Variants in TMPRSS11E observed in about 807,000 individuals in gnomAD.
TMPRSS11E encodes transmembrane serine protease 11E.
In TMPRSS11E, 38 loss-of-function variants were observed where a neutral mutation model predicts 48.1. That is an observed-to-expected ratio of 0.79 (90% CI 0.61 to 1.04). The LOEUF (loss-of-function observed/expected upper bound fraction) is 1.04, where lower values mean the gene tolerates loss of function less well. Among genes scored for constraint, TMPRSS11E ranks in the 50% least tolerant of loss-of-function variants. The pLI, the probability that TMPRSS11E is intolerant of heterozygous loss-of-function variation, is 0.00. For missense variants in TMPRSS11E, 530 were observed against 510.8 expected, an observed-to-expected ratio of 1.04 and a Z score of -0.36; for synonymous variants, 158 against 171.9, an observed-to-expected ratio of 0.92 and a Z score of 0.63.
In TMPRSS11E at chr4:68,497,473, CT is replaced by C. The variant is rs899681544; in HGVS notation, c.*670del. ...TACTATGATAAATGTGAAGAAGATT[CT>C]GTTTTTTTGTGACCTATAATAATTA... On this transcript the variant is annotated 3_prime_UTR_variant, in exon 10 of 10. Coordinates refer to ENST00000305363, the MANE Select transcript of TMPRSS11E (RefSeq NM_014058.4). The C allele has an allele frequency of 2.6e-5, 4 of 152,036 alleles. No homozygotes were observed. Among genetic ancestry groups the C allele is most frequent in the African/African-American group, 9.7e-5 (4 of 41,412 alleles). 9.4% of individuals were successfully genotyped at this position (152,036 alleles called of 1,614,324 possible).
At chr4:68,484,620 T>A (rs1306425007) in intron 9 of TMPRSS11E, among the ~76,000 whole-genome samples, 1 of 152,184 alleles carries the variant, frequency 6.6e-6, no homozygotes, top group African/African-American at 2.4e-5. Flanking sequence ...CAACTATGAT[T>A]TCTTTCAGCA....
chr4:68,451,335 AC>A (rs1322254793), intron 1 of TMPRSS11E, among the ~76,000 whole-genome samples: 1 of 151,884 alleles, frequency 6.6e-6, no homozygotes, highest in Non-Finnish European at 1.5e-5. Context: ...AAATGACTGG[AC>A]TAGAGAGAAG....
Position 68,476,441 on chromosome 4 carries a change from A to G in TMPRSS11E, c.707+3A>G. On this transcript the variant is annotated splice_donor_region_variant and intron_variant, in intron 7 of 9. Transcript: ENST00000305363. ...AGTGCTGCTCACTGTTTTACAACGT[A>G]AGTCTTGAAGCTTGAGAATGATTGG... The G allele has an allele frequency of 6.2e-7, 1 of 1,601,288 alleles. No individual in the cohort carries two copies.
intron 9 of TMPRSS11E, among the ~76,000 whole-genome samples, chr4:68,483,871 C>A (rs1171827458): frequency 1.3e-5 from 2 of 152,194 alleles, no homozygotes; most frequent in Non-Finnish European, 2.9e-5. Flanking sequence ...TTATACCCAG[C>A]ACCATTTATT....
chr4:68,489,032 G>A (rs1729642685), intron 9 of TMPRSS11E, among the ~76,000 whole-genome samples: 2 of 152,164 alleles, frequency 1.3e-5, no homozygotes, highest in African/African-American at 2.4e-5. Flanking sequence ...TCAGTCATTT[G>A]GAGGTAAGAA....
At chr4:68,492,851 C>A (rs1729767878) in intron 9 of TMPRSS11E, among the ~76,000 whole-genome samples, 1 of 152,082 alleles carries the variant, frequency 6.6e-6, no homozygotes, top group Admixed American at 6.6e-5. Context: ...ATGAGAATAA[C>A]CTGTATTTTA....
At chr4:68,447,672 C>G (rs1728377926) in intron 1 of TMPRSS11E, 149 bp downstream of exon 1, 1 of 653,334 alleles carries the variant, frequency 1.5e-6, no homozygotes, top group East Asian at 3.1e-5. Flanking sequence ...AAAATTATGT[C>G]AAGAAAAAGA....
intron 9 of TMPRSS11E, 148 bp from the exon 10 acceptor site, chr4:68,496,495 A>T (rs1259503936): frequency 1.3e-6 from 1 of 785,588 alleles, no homozygotes; most frequent in Non-Finnish European, 2.0e-6. Flanking sequence ...TGGATAACTG[A>T]CATAGATGGA....
At chr4:68,468,570 A>G (rs1361603423) in intron 3 of TMPRSS11E, among the ~76,000 whole-genome samples, 1 of 151,970 alleles carries the variant, frequency 6.6e-6, no homozygotes, top group Non-Finnish European at 1.5e-5. Context: ...TCAGAGTAAA[A>G]TTTCTCACTC....
intron 1 of TMPRSS11E, among the ~76,000 whole-genome samples, chr4:68,459,111 T>G (rs1205921068): frequency 6.6e-6 from 1 of 152,178 alleles, no homozygotes; most frequent in Non-Finnish European, 1.5e-5. Flanking sequence ...AATTGTTTAT[T>G]CAAAGTATTT....
intron 5 of TMPRSS11E, 44 bp from the exon 6 acceptor site, chr4:68,474,676 TGTA>T: frequency 1.3e-6 from 2 of 1,576,348 alleles, no homozygotes; most frequent in Non-Finnish European, 1.7e-6. Context: ...GGAGGCATAG[TGTA>T]ACTCTGATGT....
intron 9 of TMPRSS11E, among the ~76,000 whole-genome samples, chr4:68,487,515 G>A (rs1170522901): frequency 6.6e-6 from 1 of 152,064 alleles, no homozygotes; most frequent in East Asian, 1.9e-4. Context: ...GCCTTCCAAA[G>A]TGCTGGGATT....
intron 9 of TMPRSS11E, among the ~76,000 whole-genome samples, chr4:68,481,969 A>C (rs997690355): frequency 2.6e-5 from 4 of 152,172 alleles, no homozygotes; most frequent in African/African-American, 7.2e-5. Flanking sequence ...TAACAAAACC[A>C]AGTAAACAAA....
rs184178284 is a variant in TMPRSS11E, at chr4:68,455,461, T to C, written c.12-6360T>C. On this transcript the variant is annotated intron_variant, in intron 1 of 9. Coordinates refer to ENST00000305363, the MANE Select transcript of TMPRSS11E (RefSeq NM_014058.4). ...GTGGAGTATGCTCTCAGATTTCTCATCTGTTTGAACTAACACTAAGACATA... is the reference window on the plus strand; with the variant it reads ...GTGGAGTATGCTCTCAGATTTCTCACCTGTTTGAACTAACACTAAGACATA... Among the ~76,000 whole-genome samples, 67 of 152,076 alleles carry C rather than the reference T, an allele frequency of 4.4e-4. No homozygotes were observed. The East Asian group carries it at 0.012, about 28-fold the overall frequency.
At chr4:68,490,040 A>C (rs1463542870) in intron 9 of TMPRSS11E, among the ~76,000 whole-genome samples, 1 of 152,148 alleles carries the variant, frequency 6.6e-6, no homozygotes, top group African/African-American at 2.4e-5. Flanking sequence ...GGTCTCCTGC[A>C]GCTAAGATTC....
chr4:68,488,374 TCTAA>T (rs1230611259), intron 9 of TMPRSS11E, among the ~76,000 whole-genome samples: 1 of 152,346 alleles, frequency 6.6e-6, no homozygotes. Flanking sequence ...TTTTTCTTTA[TCTAA>T]CTGAGTTGAT....
Position 68,477,369 on chromosome 4 carries a change from A to G in TMPRSS11E, c.708A>G (p.Thr236=). ...TTATTCTTCATTTTTTTCTCCCCAG[A>G]TATAAGAACCCTGCCAGATGGACTG... ...WLVSAAHCFT[T]YKNPARWTAS... The change falls in exon 8 of 10, where the codon ACA becomes ACG. Residue 236 remains threonine, a splice_region_variant and synonymous_variant. Coordinates refer to ENST00000305363, the MANE Select transcript of TMPRSS11E (RefSeq NM_014058.4). The G allele has an allele frequency of 1.2e-6, 2 of 1,603,338 alleles. No individual in the cohort carries two copies. The highest frequency in any genetic ancestry group is 1.1e-5 in the South Asian group (1 of 88,618).
At position 68,497,116 on chromosome 4, in the gene TMPRSS11E, G is replaced by C. The variant is rs1322214280; in HGVS notation, c.*312G>C. 4.7e-6 allele frequency: 1 copy of C among 213,592 alleles called. No homozygotes were observed. The highest frequency in any genetic ancestry group is 2.3e-5 in the African/African-American group (1 of 43,566). 13.2% of individuals were successfully genotyped at this position (213,592 alleles called of 1,614,324 possible). Reference sequence around the variant, plus strand: ...AGAAGTTTTGTCAGAATTTTGACTTGTTGACATAAATTTGTAATGCATATA... The same window carrying C: ...AGAAGTTTTGTCAGAATTTTGACTTCTTGACATAAATTTGTAATGCATATA... On this transcript the variant is annotated 3_prime_UTR_variant, in exon 10 of 10. Coordinates refer to ENST00000305363, the MANE Select transcript of TMPRSS11E (RefSeq NM_014058.4).
intron 9 of TMPRSS11E, among the ~76,000 whole-genome samples, chr4:68,496,389 G>A (rs1234323862): frequency 6.6e-6 from 1 of 151,964 alleles, no homozygotes; most frequent in Admixed American, 6.6e-5. Flanking sequence ...AAGAGATGGA[G>A]GCTTCAATCT....
Sources: allele counts gnomAD v4.1 joint callset (sites outside exome capture counted in the v4.1 genomes callset), GRCh38; gene constraint gnomAD v4.1.1; transcripts MANE v1.5; gene names NCBI Gene and HGNC (gene_info 2026-07-23, HGNC 2026-07-21).